Variants in HECW2 observed in about 807,000 individuals in gnomAD.
The protein encoded by HECW2 is E3 ubiquitin-protein ligase HECW2.
Under a neutral mutation model 175.2 loss-of-function variants are expected in HECW2, and 61 were observed. That is an observed-to-expected ratio of 0.35 (90% CI 0.28 to 0.43). HECW2 has a LOEUF of 0.43. Among genes scored for constraint, HECW2 ranks in the 20% least tolerant of loss-of-function variants. The probability of loss-of-function intolerance (pLI) is 1.00; values close to 1 mark genes in which losing one functional copy is unlikely to be tolerated. For synonymous variants in HECW2, 671 were observed against 731.0 expected (o/e 0.92, Z 1.32); for missense variants, 1,524 against 2,000.5 (o/e 0.76, Z 4.54).
chr2:196,213,289 G>A (rs1432498046), intron 28 of HECW2, among the ~76,000 whole-genome samples: 1 of 152,154 alleles, frequency 6.6e-6, no homozygotes, highest in Non-Finnish European at 1.5e-5. Flanking sequence ...AGGATAAAAA[G>A]TTAAAAAAGA....
chr2:196,587,262 A>T (rs1691016020), intron 1 of HECW2, among the ~76,000 whole-genome samples: 2 of 152,260 alleles, frequency 1.3e-5, no homozygotes, highest in Admixed American at 1.3e-4. Context: ...AAAAACATCC[A>T]TGGCTTCATG....
At chr2:196,202,164 A>G (rs1035537794) in intron 28 of HECW2, among the ~76,000 whole-genome samples, 4 of 152,208 alleles carry the variant, frequency 2.6e-5, no homozygotes, top group Non-Finnish European at 5.9e-5. Context: ...ATGAAATAGG[A>G]AACATTCTAT....
At chr2:196,270,983 CG>C (rs1381943781) in intron 17 of HECW2, among the ~76,000 whole-genome samples, 1 of 151,560 alleles carries the variant, frequency 6.6e-6, no homozygotes, top group East Asian at 1.9e-4. Flanking sequence ...CGTGAGTCGC[CG>C]TGCCCGGCCG....
At chr2:196,203,360 C>G (rs1439418216) in intron 28 of HECW2, among the ~76,000 whole-genome samples, 2 of 152,154 alleles carry the variant, frequency 1.3e-5, no homozygotes, top group African/African-American at 4.8e-5. Context: ...GTATACTACA[C>G]TAGAGTCCTA....
intron 2 of HECW2, among the ~76,000 whole-genome samples, chr2:196,402,067 G>A (rs1694834056): frequency 6.6e-6 from 1 of 151,830 alleles, no homozygotes; most frequent in Non-Finnish European, 1.5e-5. Flanking sequence ...CGGACGTGGT[G>A]GCGGGCGCCT....
intron 4 of HECW2, among the ~76,000 whole-genome samples, chr2:196,333,355 A>G (rs1383194686): frequency 6.6e-6 from 1 of 152,156 alleles, no homozygotes; most frequent in Non-Finnish European, 1.5e-5. Context: ...AGAGGGAAAG[A>G]CTGCTTGATA....
chr2:196,215,511 T>TCTATTTATTTAGAATAA (rs1312696956), intron 28 of HECW2, among the ~76,000 whole-genome samples: 7 of 152,246 alleles, frequency 4.6e-5, no homozygotes, highest in African/African-American at 1.7e-4. Flanking sequence ...CGGTAATTTT[T>TCTATTTATTTAGAATAA]ACTGAAGGGA....
At chr2:196,557,321 G>C (rs900981084) in intron 1 of HECW2, among the ~76,000 whole-genome samples, 2 of 152,006 alleles carry the variant, frequency 1.3e-5, no homozygotes, top group African/African-American at 4.8e-5. Context: ...CTTGAACCTG[G>C]GGGGCGGAGG....
intron 13 of HECW2, among the ~76,000 whole-genome samples, chr2:196,303,180 T>C (rs1286442051): frequency 6.6e-6 from 1 of 152,228 alleles, no homozygotes; most frequent in Non-Finnish European, 1.5e-5. Flanking sequence ...ATCATGTGGT[T>C]TCTGTCTTTA....
At chr2:196,452,188 G>T (rs979050055) in intron 1 of HECW2, among the ~76,000 whole-genome samples, 1 of 152,026 alleles carries the variant, frequency 6.6e-6, no homozygotes, top group Non-Finnish European at 1.5e-5. Context: ...GAGATATGCT[G>T]CAAGTATAAA....
chr2:196,478,100 AACTC>A (rs751178784), intron 1 of HECW2, among the ~76,000 whole-genome samples: 4 of 152,264 alleles, frequency 2.6e-5, no homozygotes, highest in Admixed American at 2.6e-4. Context: ...AACAAAAAAA[AACTC>A]ACAGAGTACA....
chr2:196,340,578 G>A lies in HECW2; in HGVS notation c.400+3079C>T, dbSNP rs200199623. On this transcript the variant is annotated intron_variant, in intron 3 of 28. Transcript: ENST00000644978. ...GCCACTGCAGTCCAGCCTGGGAGAC[G>A]CAGCAAGACTCCGTCTCAAAAAAAA... Among the ~76,000 whole-genome samples the A allele has an allele frequency of 5.2e-5, 6 of 115,062 alleles. No homozygotes were observed. The East Asian group carries it at 1.3e-3, about 25-fold the overall frequency. 75.5% of individuals were successfully genotyped at this position (115,062 alleles called of 152,430 possible). A position where few individuals can be genotyped will look rare whatever the true frequency, so the allele number is the denominator to read the frequency against.
chr2:196,548,797 T>A (rs750149839), intron 1 of HECW2, among the ~76,000 whole-genome samples: 1 of 152,114 alleles, frequency 6.6e-6, no homozygotes, highest in Non-Finnish European at 1.5e-5. Flanking sequence ...GAGGGAAGAA[T>A]CTGTTCTACC....
At chr2:196,521,790 T>C (rs528249839) in intron 1 of HECW2, among the ~76,000 whole-genome samples, 6,283 of 150,024 alleles carry the variant, frequency 0.042, 159 homozygotes, top group Non-Finnish European at 0.066. Context: ...ATTTCATCCA[T>C]GTCCCTACAA....
intron 27 of HECW2, among the ~76,000 whole-genome samples, chr2:196,216,300 C>A (rs375832041): frequency 2.0e-5 from 3 of 152,226 alleles, no homozygotes; most frequent in East Asian, 3.9e-4. Context: ...GATCAATTAA[C>A]CCGAGTCAAC....
intron 1 of HECW2, among the ~76,000 whole-genome samples, chr2:196,521,282 C>CAAAAAAA (rs1158051512): frequency 4.3e-4 from 23 of 53,662 alleles, no homozygotes; most frequent in South Asian, 9.7e-4. Context: ...ACGTGAGTAA[C>CAAAAAAA]AAAAAAAAAA....
At chr2:196,487,903 G>C (rs747258820) in intron 1 of HECW2, among the ~76,000 whole-genome samples, 8 of 152,240 alleles carry the variant, frequency 5.3e-5, no homozygotes, top group Middle Eastern at 3.4e-3. Context: ...GGTCTTTCAG[G>C]ACATTTCTAT....
At chr2:196,355,878 G>A (rs1217102693) in intron 2 of HECW2, among the ~76,000 whole-genome samples, 1 of 152,120 alleles carries the variant, frequency 6.6e-6, no homozygotes, top group Non-Finnish European at 1.5e-5. Context: ...GAGAGAGGTT[G>A]GTAGGAGAGT....
chr2:196,290,656 A>C (rs907059084), intron 14 of HECW2: 1 of 152,198 alleles, frequency 6.6e-6, no homozygotes, highest in Non-Finnish European at 1.5e-5. Flanking sequence ...CCCAGGTATA[A>C]TACTACCAGT....
Sources: allele counts gnomAD v4.1 joint callset (sites outside exome capture counted in the v4.1 genomes callset), GRCh38; gene constraint gnomAD v4.1.1; transcripts MANE v1.5; gene names NCBI Gene and HGNC (gene_info 2026-07-23, HGNC 2026-07-21).